The following STRN4 variants were observed in gnomAD, a reference collection of about 807,000 sequenced individuals.
The protein encoded by STRN4 is striatin-4.
In STRN4, 27 loss-of-function variants were observed where a neutral mutation model predicts 77.9. That is an observed-to-expected ratio of 0.35 (90% CI 0.26 to 0.48). STRN4 has a LOEUF of 0.48. Ranked by LOEUF, STRN4 falls within the 20% of genes least tolerant of loss-of-function variation. STRN4 has a pLI of 0.99. For synonymous variants in STRN4, 466 were observed against 443.1 expected, an observed-to-expected ratio of 1.05 and a Z score of -0.65; for missense variants, 798 against 1,049.7, an observed-to-expected ratio of 0.76 and a Z score of 3.31.
intron 7 of STRN4, 89 bp downstream of exon 7, chr19:46,728,529 G>T: frequency 6.7e-7 from 1 of 1,492,234 alleles, no homozygotes. Flanking sequence ...GAGAGACCCT[G>T]TACAGGAAGC....
Position 46,738,892 on chromosome 19 carries a change from G to T in STRN4, c.283-4C>A. On this transcript the variant is annotated splice_polypyrimidine_tract_variant and splice_region_variant and intron_variant, in intron 1 of 17. Transcript: ENST00000263280. This position sits in a 1 kb window ranked among gnomAD's most constrained non-coding sequence, Gnocchi z 4.5. ...CCTGAAGGAAGGCCACCTGAGCCTGGGAGGGCAGACAGGAGGCAAAGGGAG... is the reference window on the plus strand; with the variant it reads ...CCTGAAGGAAGGCCACCTGAGCCTGTGAGGGCAGACAGGAGGCAAAGGGAG... 1 of 1,613,384 alleles carries T rather than the reference G, an allele frequency of 6.2e-7. No homozygotes were observed.
rs1242856283 is a variant in STRN4 at position 46,722,718 on chromosome 19, GCTGA to G, written c.1906+88_1906+91del. ...CTGAGGGTGCAGGGGAGTCATCTGA[GCTGA>G]CTGACAAGGGGTCGCCAAAGCCCCA... On this transcript the variant is annotated intron_variant, in intron 14 of 17. Coordinates refer to ENST00000263280, the MANE Select transcript of STRN4 (RefSeq NM_013403.3). The G allele has an allele frequency of 4.5e-6, 7 of 1,558,690 alleles. No individual in the cohort carries two copies. In the East Asian group the frequency reaches 1.1e-4, roughly 25 times the overall value.
chr19:46,739,976 C>T (rs981631567), intron 1 of STRN4, among the ~76,000 whole-genome samples: 1 of 152,126 alleles, frequency 6.6e-6, no homozygotes, highest in African/African-American at 2.4e-5. Flanking sequence ...CCTTGGAGAC[C>T]CCAGATCAAC....
intron 9 of STRN4, among the ~76,000 whole-genome samples, chr19:46,726,700 G>A (rs1305607188): frequency 6.6e-6 from 1 of 152,156 alleles, no homozygotes; most frequent in Admixed American, 6.5e-5. Flanking sequence ...GAGATGACGA[G>A]CAGAGTACCA....
At chr19:46,745,939 GCCGTCCCGGTC>G (rs1389045425) in intron 1 of STRN4, 199 bp downstream of exon 1, 1 of 507,280 alleles carries the variant, frequency 2.0e-6, no homozygotes, top group Non-Finnish European at 3.1e-6. Flanking sequence ...CCCACCTCGG[GCCGTCCCGGTC>G]CCGTCCCACC....
intron 1 of STRN4, among the ~76,000 whole-genome samples, chr19:46,743,867 C>T (rs375185527): frequency 1.8e-4 from 28 of 151,484 alleles, no homozygotes; most frequent in Middle Eastern, 6.8e-3. Context: ...CATGCCACTG[C>T]ACTCCACCCT....
rs2054405055 is a variant in STRN4 at position 46,738,111 on chromosome 19, C to T, written c.460+53G>A. The T allele has an allele frequency of 1.3e-6, 2 of 1,559,898 alleles. No homozygotes were observed. Among genetic ancestry groups the T allele is most frequent in the African/African-American group, 1.4e-5 (1 of 73,726 alleles). ...ACCCCATCTTCCTGCTTCTCCAGAA[C>T]ACTCAGCTTCTGCGGGAGGGTGCCG... is the stretch of plus-strand genomic sequence containing the variant. On this transcript the variant is annotated intron_variant, in intron 3 of 17. Coordinates refer to ENST00000263280, the MANE Select transcript of STRN4 (RefSeq NM_013403.3). This position sits in a 1 kb window ranked among gnomAD's most constrained non-coding sequence, Gnocchi z 4.5.
chr19:46,730,005 C>G (rs1296992204), intron 6 of STRN4, among the ~76,000 whole-genome samples: 1 of 152,180 alleles, frequency 6.6e-6, no homozygotes. Context: ...AACCAGCCAG[C>G]CCAAGGGTGT....
chr19:46,729,106 C>T (rs1010618155), intron 6 of STRN4, among the ~76,000 whole-genome samples: 4 of 152,200 alleles, frequency 2.6e-5, no homozygotes, highest in Non-Finnish European at 4.4e-5. Context: ...CACTGGTGTC[C>T]GTGTGTGAAT....
intron 17 of STRN4, 79 bp from the exon 18 acceptor site, chr19:46,720,417 C>G: frequency 1.4e-6 from 1 of 713,686 alleles, no homozygotes; most frequent in Non-Finnish European, 2.0e-6. Context: ...CCCCTGCATG[C>G]CCAGGGCTCC....
intron 4 of STRN4, among the ~76,000 whole-genome samples, chr19:46,734,805 C>T (rs1480209249): frequency 6.6e-6 from 1 of 152,122 alleles, no homozygotes; most frequent in African/African-American, 2.4e-5. Context: ...GCTGGGACTA[C>T]AGGCACCCGC....
chr19:46,737,975 G>C (rs1434065876), intron 3 of STRN4, among the ~76,000 whole-genome samples, 189 bp downstream of exon 3: 1 of 152,014 alleles, frequency 6.6e-6, no homozygotes, highest in Admixed American at 6.5e-5. Context: ...TGGCCCCCAG[G>C]GTCCAGCACG....
intron 16 of STRN4, 161 bp downstream of exon 16, chr19:46,721,825 C>A: frequency 7.5e-6 from 5 of 664,890 alleles, no homozygotes; most frequent in Non-Finnish European, 1.3e-5. Context: ...AGGGCCCCAG[C>A]GGACTGTGCT....
chr19:46,727,913 G>A lies in STRN4; in HGVS notation c.1134C>T (p.Pro378=). The A allele has an allele frequency of 6.2e-7, 1 of 1,611,066 alleles. No homozygotes were observed. Among genetic ancestry groups the A allele is most frequent in the Non-Finnish European group, 8.5e-7 (1 of 1,178,312 alleles). The stretch of plus-strand genomic sequence containing the variant: ...TCTTACCTTCATGTGGCCGGGGCTG[G>A]GGTGTGCCAGGAGGCGGGCCAGTCA... The part of the protein sequence containing the change: ...PKVTGPPPGT[P]QPRPHEDVFI... Residue 378 remains proline (P), a synonymous_variant, in exon 8 of 18, where the codon CCC becomes CCT. Transcript: ENST00000263280.
Position 46,733,245 on chromosome 19 carries a change from G to T in STRN4, c.540-9C>A. 6.2e-7 allele frequency: 1 copy of T among 1,608,004 alleles called. No individual in the cohort carries two copies. Among genetic ancestry groups the T allele is most frequent in the East Asian group, 2.2e-5 (1 of 44,866 alleles). ...CCACCTCTTCCAGGTACCTGCAGGG[G>T]TGCAGAGCCACGTGGGTCAGACATC... On this transcript the variant is annotated splice_polypyrimidine_tract_variant and intron_variant, in intron 4 of 17. Coordinates refer to ENST00000263280, the MANE Select transcript of STRN4 (RefSeq NM_013403.3). This position sits in a 1 kb window ranked among gnomAD's most constrained non-coding sequence, Gnocchi z 4.3.
chr19:46,737,257 G>A (rs1282782569), intron 3 of STRN4, among the ~76,000 whole-genome samples: 1 of 152,238 alleles, frequency 6.6e-6, no homozygotes, highest in Non-Finnish European at 1.5e-5. Flanking sequence ...AGCCGTGTCA[G>A]TTTCGTCCTC....
At chr19:46,743,203 GA>G (rs1568407570) in intron 1 of STRN4, among the ~76,000 whole-genome samples, 1 of 152,146 alleles carries the variant, frequency 6.6e-6, no homozygotes, top group Non-Finnish European at 1.5e-5. Context: ...AAGGGACGAA[GA>G]GAAGGAACTT....
At position 46,724,817 on chromosome 19, in the gene STRN4, A is replaced by G. The variant is rs749286257; in HGVS notation, c.1584T>C (p.Tyr528=). The G allele has an allele frequency of 1.2e-6, 2 of 1,613,978 alleles. No individual in the cohort carries two copies. Among genetic ancestry groups the G allele is most frequent in the Non-Finnish European group, 8.5e-7 (1 of 1,180,020 alleles). ...AGGCGTTGTCCTCACCGTAGCCATC[A>G]TAGGGATCCATGCTGAGGTCTGGAA... ...WKIPDLSMDP[Y]DGYDPSVLSH... Residue 528 remains tyrosine (Y), a synonymous_variant, in exon 12 of 18, where the codon TAT becomes TAC. Transcript: ENST00000263280.
At chr19:46,742,794 C>T (rs1237603917) in intron 1 of STRN4, among the ~76,000 whole-genome samples, 1 of 152,226 alleles carries the variant, frequency 6.6e-6, no homozygotes, top group Admixed American at 6.5e-5. Context: ...AACTCCAGAC[C>T]TTGTGATCCA....
Sources: gnomAD v4.1 joint callset for allele counts (sites outside exome capture counted in the v4.1 genomes callset) on GRCh38, gnomAD v4.1.1 for gene constraint, Gnocchi (gnomAD v3.1) non-coding constraint, MANE v1.5 for transcripts, NCBI Gene and HGNC (gene_info 2026-07-23, HGNC 2026-07-21) for gene names.